Variants in NCOR2 observed in about 807,000 individuals in gnomAD.
NCOR2 encodes nuclear receptor corepressor 2.
NCOR2 carries 81 observed loss-of-function variants against 262.9 expected under a neutral mutation model. The ratio of observed to expected loss-of-function variants is 0.31; its 90% CI spans 0.26 to 0.37. The LOEUF (loss-of-function observed/expected upper bound fraction) is 0.37. Ranked by LOEUF, NCOR2 falls within the 10% of genes least tolerant of loss-of-function variation. The pLI, the probability that NCOR2 is intolerant of heterozygous loss-of-function variation, is 1.00. For missense variants in NCOR2, 3,385 were observed against 3,621.4 expected, an observed-to-expected ratio of 0.93 and a Z score of 1.68; for synonymous variants, 1,659 against 1,559.3, an observed-to-expected ratio of 1.06 and a Z score of -1.51.
intron 11 of NCOR2, 151 bp downstream of exon 13, chr12:124,426,471 T>C (rs949399065): frequency 8.3e-6 from 6 of 724,908 alleles, no homozygotes; most frequent in Non-Finnish European, 1.2e-5. Flanking sequence ...GGATTTGGAC[T>C]TCCGGCCTCC....
At chr12:124,489,180 G>A (rs2047943307) in intron 1 of NCOR2, among the ~76,000 whole-genome samples, 1 of 151,928 alleles carries the variant, frequency 6.6e-6, no homozygotes, top group African/African-American at 2.4e-5. Flanking sequence ...CCCATGAGCT[G>A]GAATACGCCC....
chr12:124,443,545 T>G lies in NCOR2; in HGVS notation c.816-5549A>C, dbSNP rs1384724294. ...AGATGGAGTCTCTTGCTCTGTCACC[T>G]AGGCTGGAGTGCAGTGGCGCAATCT... On this transcript the variant is annotated intron_variant, in intron 7 of 46. Transcript: ENST00000405201. This position sits in a 1 kb window ranked among gnomAD's most constrained non-coding sequence, Gnocchi z 4.4. Among the ~76,000 whole-genome samples, 2 of 152,118 alleles carry G rather than the reference T, an allele frequency of 1.3e-5. No homozygotes were observed. The highest frequency in any genetic ancestry group is 2.9e-5 in the Non-Finnish European group (2 of 68,012).
intron 7 of NCOR2, among the ~76,000 whole-genome samples, chr12:124,441,219 T>G (rs2044783763): frequency 6.6e-6 from 1 of 152,090 alleles, no homozygotes; most frequent in Admixed American, 6.5e-5. Context: ...CCAGGAAGTA[T>G]GCAAGAAGAG....
chr12:124,551,529 T>C (rs1360856036), intron 1 of NCOR2, among the ~76,000 whole-genome samples: 1 of 152,172 alleles, frequency 6.6e-6, no homozygotes, highest in Non-Finnish European at 1.5e-5. Context: ...AAAGCCACCT[T>C]AGCTTACAGC....
intron 37 of NCOR2, among the ~76,000 whole-genome samples, chr12:124,337,656 C>T (rs746649988): frequency 2.6e-5 from 4 of 152,120 alleles, no homozygotes; most frequent in Non-Finnish European, 2.9e-5. Context: ...TCAGGATACC[C>T]GAAGAGCTAA....
chr12:124,454,951 G>A lies in NCOR2; in HGVS notation c.762+2155C>T, dbSNP rs1398453121. ...AAACAACACGTGACCTACCCCTACA[G>A]TGAAATATGATTCAGCCACAAAAAG... On this transcript the variant is annotated intron_variant, in intron 6 of 46. Coordinates refer to ENST00000405201, the Ensembl canonical transcript of NCOR2. This position sits in a 1 kb window ranked among gnomAD's most constrained non-coding sequence, Gnocchi z 5.6. Among the ~76,000 whole-genome samples, 2 of 152,176 alleles carry A rather than the reference G, an allele frequency of 1.3e-5. No homozygotes were observed. Among genetic ancestry groups the A allele is most frequent in the Non-Finnish European group, 1.5e-5 (1 of 68,038 alleles).
chr12:124,416,805 G>A (rs897675209), intron 13 of NCOR2, among the ~76,000 whole-genome samples: 16 of 138,324 alleles, frequency 1.2e-4, no homozygotes, highest in East Asian at 7.2e-4. Context: ...GGGAGACCCC[G>A]CAGCACAGAT....
At chr12:124,552,327 A>G (rs890074128) in intron 1 of NCOR2, among the ~76,000 whole-genome samples, 5 of 152,078 alleles carry the variant, frequency 3.3e-5, no homozygotes, top group Admixed American at 2.0e-4. Context: ...TCAAAAAAAA[A>G]AACCACTAAA....
At chr12:124,475,236 A>G (rs1342151346) in intron 3 of NCOR2, among the ~76,000 whole-genome samples, 4 of 152,180 alleles carry the variant, frequency 2.6e-5, no homozygotes, top group East Asian at 1.9e-4. Context: ...AATCGCCCCA[A>G]TGCAGTCCTC....
At chr12:124,491,555 A>T (rs1466465490) in intron 1 of NCOR2, among the ~76,000 whole-genome samples, 2 of 152,214 alleles carry the variant, frequency 1.3e-5, no homozygotes, top group African/African-American at 4.8e-5. Context: ...AAGGCCACAC[A>T]GCAGAAAAGA....
chr12:124,413,200 C>A (rs1565919965), intron 13 of NCOR2, among the ~76,000 whole-genome samples: 1 of 152,212 alleles, frequency 6.6e-6, no homozygotes, highest in Non-Finnish European at 1.5e-5. Context: ...ACAGGAGGCA[C>A]GTGGGCGCTG....
rs368992899 is a variant in NCOR2 at position 124,426,577 on chromosome 12, G to A, written c.1328+45C>T. Reference sequence around the variant, plus strand: ...GAGACAGCGCAGGCCTCAACAGGATGGGGGTGGGGGGCCGGGAGGCCAGGC... The same window carrying A: ...GAGACAGCGCAGGCCTCAACAGGATAGGGGTGGGGGGCCGGGAGGCCAGGC... On this transcript the variant is annotated intron_variant, in intron 11 of 46. Coordinates refer to ENST00000405201, the Ensembl canonical transcript of NCOR2. 4.6e-6 allele frequency: 7 copies of A among 1,520,920 alleles called. 1 individual carries two copies. The highest frequency in any genetic ancestry group is 4.1e-5 in the African/African-American group (3 of 72,752). 94.2% of individuals were successfully genotyped at this position (1,520,920 alleles called of 1,614,324 possible). A position where few individuals can be genotyped will look rare whatever the true frequency, so the allele number is the denominator to read the frequency against.
intron 28 of NCOR2, among the ~76,000 whole-genome samples, chr12:124,349,800 T>A (rs557215601): frequency 6.6e-6 from 1 of 152,092 alleles, no homozygotes; most frequent in South Asian, 2.1e-4. Context: ...CACCAGCCCT[T>A]CCCAGGCTTC....
In NCOR2 at chr12:124,483,156, G is replaced by C. The variant is rs1195173390; in HGVS notation, c.411+440C>G. 1.3e-5 allele frequency among the ~76,000 whole-genome samples: 2 copies of C among 152,088 alleles called. No homozygotes were observed. The highest frequency in any genetic ancestry group is 2.9e-5 in the Non-Finnish European group (2 of 68,002). ...TCACTGAGCCCCCTGTTCCAAGCAA[G>C]CATGGAACCAAACAACCCACCCTCG... On this transcript the variant is annotated intron_variant, in intron 3 of 46. Transcript: ENST00000405201. The surrounding 1 kb of genome is among the most constrained non-coding windows in gnomAD (Gnocchi z 6.3).
intron 27 of NCOR2, among the ~76,000 whole-genome samples, chr12:124,352,102 C>T (rs2037531660): frequency 6.6e-6 from 1 of 152,224 alleles, no homozygotes; most frequent in South Asian, 2.1e-4. Flanking sequence ...CTTTAAGACA[C>T]CTGTACACTA....
rs551552993 is a variant in NCOR2, at chr12:124,378,437, G to C, written c.2020-53C>G. 4 of 1,545,526 alleles carry C rather than the reference G, an allele frequency of 2.6e-6. No homozygotes were observed. The highest frequency in any genetic ancestry group is 3.5e-6 in the Non-Finnish European group (4 of 1,146,376). ...GACTGGGGCCTGGGCTGTCAGCTCG[G>C]GGACTCCCCATGCCTGGGGCCTCGC... On this transcript the variant is annotated intron_variant, in intron 17 of 46. Coordinates refer to ENST00000405201, the Ensembl canonical transcript of NCOR2. This position sits in a 1 kb window ranked among gnomAD's most constrained non-coding sequence, Gnocchi z 4.2.
chr12:124,406,145 G>A (rs778156805), intron 13 of NCOR2, among the ~76,000 whole-genome samples: 90 of 152,318 alleles, frequency 5.9e-4, no homozygotes, highest in Non-Finnish European at 1.1e-3. Context: ...TAAGTATGCC[G>A]TCTCTGTCAA....
Position 124,354,918 on chromosome 12 carries a change from C to T in NCOR2, c.3403G>A (p.Val1135Ile), listed in dbSNP as rs369600049. 113 of 1,612,716 alleles carry T rather than the reference C, an allele frequency of 7.0e-5. No individual in the cohort carries two copies. The highest frequency in any genetic ancestry group is 1.6e-4 in the Middle Eastern group (1 of 6,064). Residue 1135 changes from valine to isoleucine, a missense_variant, in exon 25 of 47, where the codon GTC becomes ATC. Physicochemically the swap from Val to Ile is conservative, Grantham distance 29 (BLOSUM62 3). This residue lies in a region of NCOR2 where 1,615 missense variants were observed against 1,626.9 expected (regional missense o/e 0.99). Transcript: ENST00000405201. ...GCCTTGGCATGCTCTGAGTACGGGA[C>T]GTGGAGCTGGACCGACATTCCCTGT...
chr12:124,468,852 C>A (rs1408806368), intron 4 of NCOR2, among the ~76,000 whole-genome samples: 1 of 31,216 alleles, frequency 3.2e-5, no homozygotes, highest in African/African-American at 1.2e-4. Flanking sequence ...TCATCCTCAT[C>A]CTCATCACCC....
Sources: allele counts gnomAD v4.1 joint callset (sites outside exome capture counted in the v4.1 genomes callset), GRCh38; gene constraint gnomAD v4.1.1; regional missense constraint gnomAD v4.1.1; non-coding constraint Gnocchi (gnomAD v3.1); transcripts MANE v1.5; gene names NCBI Gene and HGNC (gene_info 2026-07-23, HGNC 2026-07-21).